The following WWOX variants were observed in gnomAD, a reference collection of about 807,000 sequenced individuals.
WWOX encodes the protein WW domain containing oxidoreductase.
In WWOX, 69 loss-of-function variants were observed where a neutral mutation model predicts 46.2. That is an observed-to-expected ratio of 1.49 (90% CI 1.23 to 1.82). The LOEUF (loss-of-function observed/expected upper bound fraction) is 1.82, where lower values mean the gene tolerates loss of function less well. WWOX is among the 40% of genes most tolerant of loss of function. The pLI, the probability that WWOX is intolerant of heterozygous loss-of-function variation, is 0.00. For synonymous variants in WWOX, 359 were observed against 202.6 expected (o/e 1.77, Z -6.56); for missense variants, 919 against 542.6 (o/e 1.69, Z -6.89).
At chr16:78,483,109 G>C (rs1332206013) in intron 8 of WWOX, among the ~76,000 whole-genome samples, 1 of 152,144 alleles carries the variant, frequency 6.6e-6, no homozygotes, top group African/African-American at 2.4e-5. Flanking sequence ...GCAAAGTCAA[G>C]TTGGAGATGG....
chr16:78,840,484 T>C (rs1289080749), intron 8 of WWOX, among the ~76,000 whole-genome samples: 1 of 152,190 alleles, frequency 6.6e-6, no homozygotes, highest in African/African-American at 2.4e-5. Context: ...ATCCCACTAC[T>C]TAGGGAGGCT....
chr16:78,769,795 C>A (rs1597580474), intron 8 of WWOX, among the ~76,000 whole-genome samples: 1 of 150,924 alleles, frequency 6.6e-6, no homozygotes, highest in Admixed American at 6.6e-5. Context: ...TCGCCTGAGT[C>A]CAGGAGTTCG....
At chr16:79,115,980 C>T (rs946184468) in intron 8 of WWOX, among the ~76,000 whole-genome samples, 2 of 152,184 alleles carry the variant, frequency 1.3e-5, no homozygotes, top group African/African-American at 4.8e-5. Flanking sequence ...TAAGGCAAGT[C>T]ACATGAATTT....
At chr16:79,102,591 G>A (rs1246468401) in intron 8 of WWOX, among the ~76,000 whole-genome samples, 1 of 152,142 alleles carries the variant, frequency 6.6e-6, no homozygotes, top group Non-Finnish European at 1.5e-5. Context: ...ACGGGTAGAA[G>A]AGTTGCTAAG....
chr16:78,848,741 C>T (rs1244490120), intron 8 of WWOX, among the ~76,000 whole-genome samples: 1 of 152,046 alleles, frequency 6.6e-6, no homozygotes, highest in Non-Finnish European at 1.5e-5. Flanking sequence ...GGTTGAACCA[C>T]CAGTTCTCAA....
At chr16:78,397,416 G>C (rs1024253326) in intron 6 of WWOX, among the ~76,000 whole-genome samples, 28 of 152,290 alleles carry the variant, frequency 1.8e-4, no homozygotes, top group African/African-American at 6.7e-4. Context: ...AAGAATGGCA[G>C]TGTTTAATGG....
At chr16:78,989,144 G>C (rs1020091128) in intron 8 of WWOX, among the ~76,000 whole-genome samples, 1 of 152,040 alleles carries the variant, frequency 6.6e-6, no homozygotes. Flanking sequence ...GAGTTCTGAA[G>C]ATGCTGAACC....
chr16:78,401,872 G>A (rs1203483876), intron 6 of WWOX, among the ~76,000 whole-genome samples: 4 of 152,042 alleles, frequency 2.6e-5, no homozygotes, highest in Admixed American at 2.6e-4. Context: ...GCTAATTTTT[G>A]TATTTTTAGT....
intron 5 of WWOX, among the ~76,000 whole-genome samples, chr16:78,297,995 A>C (rs1282888954): frequency 6.6e-6 from 1 of 152,074 alleles, no homozygotes; most frequent in African/African-American, 2.4e-5. Flanking sequence ...CCGTGCTGTG[A>C]GTGAGTTCTC....
At chr16:79,115,739 C>G (rs1050061497) in intron 8 of WWOX, among the ~76,000 whole-genome samples, 2 of 152,150 alleles carry the variant, frequency 1.3e-5, no homozygotes, top group Non-Finnish European at 2.9e-5. Flanking sequence ...ATAGGACTGA[C>G]CTGCGTGTAG....
intron 6 of WWOX, among the ~76,000 whole-genome samples, chr16:78,400,910 G>A (rs545521319): frequency 5.3e-5 from 8 of 152,332 alleles, no homozygotes; most frequent in East Asian, 3.9e-4. Flanking sequence ...TATGGCCTCA[G>A]CCACCAGGGT....
chr16:78,621,627 CAG>C (rs1417356654), intron 8 of WWOX, among the ~76,000 whole-genome samples: 1 of 21,708 alleles, frequency 4.6e-5, no homozygotes. Context: ...TTTTTTGAGA[CAG>C]AGTCTTGCTC....
intron 8 of WWOX, among the ~76,000 whole-genome samples, chr16:78,780,963 A>T (rs1173484536): frequency 1.3e-5 from 2 of 152,046 alleles, no homozygotes; most frequent in Non-Finnish European, 2.9e-5. Flanking sequence ...TTGGACTGTC[A>T]CCTTGGGGCC....
chr16:78,533,676 A>T (rs1166978601), intron 8 of WWOX, among the ~76,000 whole-genome samples: 1 of 152,174 alleles, frequency 6.6e-6, no homozygotes, highest in Non-Finnish European at 1.5e-5. Flanking sequence ...GTCCTTCTGC[A>T]CCCATTTTCC....
At chr16:78,409,055 G>T (rs1597185302) in intron 6 of WWOX, among the ~76,000 whole-genome samples, 1 of 152,138 alleles carries the variant, frequency 6.6e-6, no homozygotes, top group East Asian at 1.9e-4. Context: ...TATAGCTCTT[G>T]AAGTCACTCC....
In WWOX at chr16:79,091,909, T is replaced by C. The variant is rs754001239; in HGVS notation, c.1057-119699T>C. ...GATTCTCCTGCCTCAGCCTCCTGAG[T>C]AGCTGGGACCACAGGTGCATGCCAC... On this transcript the variant is annotated intron_variant, in intron 8 of 8. Transcript: ENST00000566780. 2.6e-5 allele frequency among the ~76,000 whole-genome samples: 4 copies of C among 151,070 alleles called. No homozygotes were observed. In the East Asian group the frequency reaches 5.9e-4, roughly 22 times the overall value.
At chr16:78,831,187 T>A (rs2051812430) in intron 8 of WWOX, among the ~76,000 whole-genome samples, 1 of 151,664 alleles carries the variant, frequency 6.6e-6, no homozygotes, top group Admixed American at 6.6e-5. Flanking sequence ...CCTGGCTGTC[T>A]GAGCACCATC....
At chr16:78,517,367 C>T (rs2043257431) in intron 8 of WWOX, among the ~76,000 whole-genome samples, 1 of 118,120 alleles carries the variant, frequency 8.5e-6, no homozygotes, top group South Asian at 2.9e-4. Flanking sequence ...ACATTTGAAG[C>T]ATCCACAGAA....
intron 8 of WWOX, among the ~76,000 whole-genome samples, chr16:78,793,335 C>G (rs2050656468): frequency 1.3e-5 from 2 of 152,218 alleles, no homozygotes; most frequent in Admixed American, 1.3e-4. Flanking sequence ...TGCTGGGATT[C>G]CAGGCGTGAG....
Sources: gnomAD v4.1 joint callset for allele counts (sites outside exome capture counted in the v4.1 genomes callset) on GRCh38, gnomAD v4.1.1 for gene constraint, MANE v1.5 for transcripts, NCBI Gene and HGNC (gene_info 2026-07-23, HGNC 2026-07-21) for gene names.